Variants in CNTNAP3 observed in about 807,000 individuals in gnomAD.
The protein encoded by CNTNAP3 is contactin-associated protein-like 3.
In CNTNAP3, 36 loss-of-function variants were observed where a neutral mutation model predicts 92.1. The observed-to-expected ratio is 0.39, with a 90% CI of 0.30 to 0.52. The LOEUF is 0.52. Among genes scored for constraint, CNTNAP3 ranks in the 20% least tolerant of loss-of-function variants. The pLI is 0.76. For missense variants in CNTNAP3, 534 were observed against 1,069.6 expected (o/e 0.50, Z 6.98); for synonymous variants, 232 against 422.3 (o/e 0.55, Z 5.53).
chr9:39,120,117 A>T (rs1041377297), intron 13 of CNTNAP3, among the ~76,000 whole-genome samples: 2 of 152,234 alleles, frequency 1.3e-5, no homozygotes, highest in African/African-American at 4.8e-5. Flanking sequence ...AGTCCAAAAA[A>T]GGATAAACCC....
chr9:39,078,336 T>C, intron 23 of CNTNAP3, 49 bp downstream of exon 23: 1 of 1,611,970 alleles, frequency 6.2e-7, no homozygotes, highest in Non-Finnish European at 8.5e-7. Flanking sequence ...AATGGTATCA[T>C]TATCTAAAGC....
intron 21 of CNTNAP3, 80 bp from the exon 22 acceptor site, chr9:39,079,000 G>A: frequency 6.8e-7 from 1 of 1,479,616 alleles, no homozygotes; most frequent in Non-Finnish European, 9.1e-7. Flanking sequence ...CTGCAAGACA[G>A]CGACCCTCGT....
At chr9:39,136,427 G>C (rs1413942516) in intron 12 of CNTNAP3, among the ~76,000 whole-genome samples, 1 of 152,010 alleles carries the variant, frequency 6.6e-6, no homozygotes, top group Non-Finnish European at 1.5e-5. Flanking sequence ...TCATTTGTCT[G>C]AGAAAATCTT....
At chr9:39,077,878 C>T (rs542070176) in intron 23 of CNTNAP3, among the ~76,000 whole-genome samples, 1 of 152,190 alleles carries the variant, frequency 6.6e-6, no homozygotes, top group South Asian at 2.1e-4. Flanking sequence ...CTGAGAACCC[C>T]CAGGGAAGCT....
intron 13 of CNTNAP3, among the ~76,000 whole-genome samples, chr9:39,119,622 A>T (rs1362271991): frequency 6.6e-6 from 1 of 151,944 alleles, no homozygotes. Flanking sequence ...GTAAAAATGT[A>T]TTTTTTTTAG....
chr9:39,103,770 G>A lies in CNTNAP3; in HGVS notation c.2510C>T (p.Thr837Ile). 1 of 1,611,036 alleles carries A rather than the reference G, an allele frequency of 6.2e-7. No individual in the cohort carries two copies. Among genetic ancestry groups the A allele is most frequent in the Non-Finnish European group, 8.5e-7 (1 of 1,179,772 alleles). Residue 837 changes from threonine to isoleucine, a missense_variant, in exon 16 of 24, where the codon ACA becomes ATA. Physicochemically the swap from Thr to Ile is moderately conservative, Grantham distance 89. Transcript: ENST00000297668. ...ACGCAGCTCAATCCTGATGAAATCT[G>A]TGATCCCCAGGTTCTCCATAAACAC... Reference protein sequence around the residue: ...SGVFMENLGITDFIRIELRAP... With the variant: ...SGVFMENLGIIDFIRIELRAP...
At chr9:39,087,728 C>T (rs1472387701) in intron 19 of CNTNAP3, among the ~76,000 whole-genome samples, 10 of 152,108 alleles carry the variant, frequency 6.6e-5, no homozygotes, top group East Asian at 3.9e-4. Flanking sequence ...CCTCGTGATC[C>T]GCCTGCCTTG....
chr9:39,104,477 TAC>T (rs60068368), intron 15 of CNTNAP3, among the ~76,000 whole-genome samples: 10,816 of 123,014 alleles, frequency 0.088, 468 homozygotes, highest in African/African-American at 0.15. Context: ...CACATACACA[TAC>T]ACACACACAC....
At chr9:39,130,493 TTC>T (rs1821255754) in intron 13 of CNTNAP3, among the ~76,000 whole-genome samples, 2 of 146,520 alleles carry the variant, frequency 1.4e-5, no homozygotes, top group South Asian at 4.2e-4. Context: ...ATAGGAGGAA[TTC>T]TTTTTTTTTT....
intron 21 of CNTNAP3, among the ~76,000 whole-genome samples, chr9:39,084,454 A>C (rs541271137): frequency 4.6e-5 from 7 of 152,190 alleles, no homozygotes; most frequent in Admixed American, 4.6e-4. Context: ...TCAGCCTCCC[A>C]AAGTGCTGGG....
intron 14 of CNTNAP3, among the ~76,000 whole-genome samples, chr9:39,114,963 T>C (rs962970128): frequency 6.6e-6 from 1 of 151,012 alleles, no homozygotes; most frequent in Non-Finnish European, 1.5e-5. Flanking sequence ...TACACATATA[T>C]TGACTTGCAG....
chr9:39,127,317 C>T (rs2118017786), intron 13 of CNTNAP3, among the ~76,000 whole-genome samples: 1 of 151,956 alleles, frequency 6.6e-6, no homozygotes. Context: ...CACTAAATGC[C>T]TACATTAGGA....
chr9:39,161,351 T>C (rs115885547), intron 9 of CNTNAP3, among the ~76,000 whole-genome samples: 2 of 3,084 alleles, frequency 6.5e-4, no homozygotes, highest in African/African-American at 3.6e-3. Flanking sequence ...CCAGAAATAA[T>C]GTCACACACT....
Position 39,104,873 on chromosome 9 carries a change from T to A in CNTNAP3, c.2366-959A>T, listed in dbSNP as rs541620204. Among the ~76,000 whole-genome samples, 6 of 152,286 alleles carry A rather than the reference T, an allele frequency of 3.9e-5. No homozygotes were observed. The East Asian group carries it at 7.7e-4, about 20-fold the overall frequency. On this transcript the variant is annotated intron_variant, in intron 15 of 23. Coordinates refer to ENST00000297668, the MANE Select transcript of CNTNAP3 (RefSeq NM_033655.5). The stretch of plus-strand genomic sequence containing the variant: ...GCTGATCAGCCCATCACTGGTCCTG[T>A]TAGTTTCAACTGCTTTGTAAAGTGG...
At chr9:39,142,138 C>T (rs2118098720) in intron 11 of CNTNAP3, among the ~76,000 whole-genome samples, 1 of 152,198 alleles carries the variant, frequency 6.6e-6, no homozygotes, top group Middle Eastern at 3.4e-3. Context: ...CAGTGAATAA[C>T]CATGGACTAA....
rs1413706049 is a variant in CNTNAP3, at chr9:39,068,138, G to A, written c.*5752C>T. On this transcript the variant is annotated 3_prime_UTR_variant, in exon 24 of 24. Coordinates refer to ENST00000297668, the MANE Select transcript of CNTNAP3 (RefSeq NM_033655.5). Reference sequence around the variant, plus strand: ...TTTCAGGGCGGGCGCAGTGGCTTACGCCTGTGATACCAGCGCTTTAGGAGG... The same window carrying A: ...TTTCAGGGCGGGCGCAGTGGCTTACACCTGTGATACCAGCGCTTTAGGAGG... 1.3e-5 allele frequency among the ~76,000 whole-genome samples: 2 copies of A among 152,296 alleles called. No homozygotes were observed. The highest frequency in any genetic ancestry group is 4.8e-5 in the African/African-American group (2 of 41,478).
At chr9:39,117,925 T>G in intron 14 of CNTNAP3, 178 bp downstream of exon 14, 1 of 1,315,806 alleles carries the variant, frequency 7.6e-7, no homozygotes, top group Admixed American at 2.6e-5. Context: ...TAGTAAATCT[T>G]TGGTCATAAA....
At chr9:39,080,659 CCT>C (rs1825911739) in intron 21 of CNTNAP3, among the ~76,000 whole-genome samples, 1 of 130,642 alleles carries the variant, frequency 7.7e-6, no homozygotes, top group African/African-American at 2.8e-5. Flanking sequence ...TTAGGGCAGA[CCT>C]TTTTTTTTTT....
At chr9:39,087,777 C>T (rs1034259354) in intron 19 of CNTNAP3, among the ~76,000 whole-genome samples, 35 of 152,208 alleles carry the variant, frequency 2.3e-4, no homozygotes, top group African/African-American at 7.9e-4. Flanking sequence ...TGAGCCACCA[C>T]ATCCAGCCTA....
Sources: gnomAD v4.1 joint callset for allele counts (sites outside exome capture counted in the v4.1 genomes callset) on GRCh38, gnomAD v4.1.1 for gene constraint, MANE v1.5 for transcripts, NCBI Gene and HGNC (gene_info 2026-07-23, HGNC 2026-07-21) for gene names.